The following SPECC1L variants were observed in gnomAD, a reference collection of about 807,000 sequenced individuals.
The protein encoded by SPECC1L is sperm antigen with calponin homology and coiled-coil domains 1 like, also known as cytospin-A.
SPECC1L carries 40 observed loss-of-function variants against 116.8 expected under a neutral mutation model. The ratio of observed to expected loss-of-function variants is 0.34; its 90% CI spans 0.27 to 0.45. The LOEUF (loss-of-function observed/expected upper bound fraction) is 0.45. SPECC1L is among the 20% of genes least tolerant of loss of function. The probability of loss-of-function intolerance (pLI) is 1.00; values close to 1 mark genes in which losing one functional copy is unlikely to be tolerated. For missense variants in SPECC1L, 1,110 were observed against 1,373.6 expected (o/e 0.81, Z 3.03); for synonymous variants, 504 against 500.6 (o/e 1.01, Z -0.09).
chr22:24,388,072 A>AT (rs1385420981), intron 14 of SPECC1L, among the ~76,000 whole-genome samples: 1 of 151,724 alleles, frequency 6.6e-6, no homozygotes, highest in African/African-American at 2.4e-5. Flanking sequence ...TGTTCTTAAA[A>AT]TTCTTTTTTT....
intron 14 of SPECC1L, among the ~76,000 whole-genome samples, chr22:24,376,213 T>G (rs1324865503): frequency 6.6e-6 from 1 of 152,178 alleles, no homozygotes; most frequent in Non-Finnish European, 1.5e-5. Context: ...TTTTAAGAGA[T>G]AGGGTCTCAC....
rs148720259 is a variant in SPECC1L, at chr22:24,345,214, G to A, written c.2653-1872G>A. On this transcript the variant is annotated intron_variant, in intron 10 of 16. Coordinates refer to ENST00000314328, the MANE Select transcript of SPECC1L (RefSeq NM_015330.6). Reference sequence around the variant, plus strand: ...ATACCAAAGTAATTCAATCGGTAAGGAATAGTTTTTTGAAGAAAAGATTCT... The same window carrying A: ...ATACCAAAGTAATTCAATCGGTAAGAAATAGTTTTTTGAAGAAAAGATTCT... Among the ~76,000 whole-genome samples the A allele has an allele frequency of 3.5e-3, 525 of 152,048 alleles. 3 individuals carry two copies. The highest frequency in any genetic ancestry group is 6.2e-3 in the Non-Finnish European group (419 of 67,982).
At chr22:24,287,051 G>T (rs1339121286) in intron 2 of SPECC1L, among the ~76,000 whole-genome samples, 2 of 152,204 alleles carry the variant, frequency 1.3e-5, no homozygotes, top group African/African-American at 2.4e-5. Flanking sequence ...GGGATGGGGG[G>T]CCAACCAACT....
intron 1 of SPECC1L, among the ~76,000 whole-genome samples, chr22:24,275,157 A>G (rs1466368217): frequency 2.0e-5 from 3 of 152,236 alleles, no homozygotes; most frequent in Non-Finnish European, 4.4e-5. Flanking sequence ...TTGGCACACT[A>G]TGTCTCGTCT....
chr22:24,279,279 T>C (rs8135096), intron 2 of SPECC1L, among the ~76,000 whole-genome samples: 13 of 152,256 alleles, frequency 8.5e-5, no homozygotes, highest in African/African-American at 3.1e-4. Context: ...GGGCAGATTG[T>C]ATGTAGATAT....
chr22:24,335,041 T>C (rs28588377), intron 9 of SPECC1L, among the ~76,000 whole-genome samples: 1 of 152,216 alleles, frequency 6.6e-6, no homozygotes, highest in African/African-American at 2.4e-5. Flanking sequence ...GCAGCATCAC[T>C]CTACCCAGTT....
intron 8 of SPECC1L, 130 bp downstream of exon 8, chr22:24,330,561 T>A: frequency 1.0e-6 from 1 of 994,384 alleles, no homozygotes; most frequent in Non-Finnish European, 1.5e-6. Flanking sequence ...TGGAAGTTAC[T>A]CAGCTTTTCT....
chr22:24,416,166 T>C lies in SPECC1L; in HGVS notation c.*1543T>C, dbSNP rs1441398650. ...TAACGTGTCTACGTAACCTAGAATG[T>C]GGTTATTAGGAAAGGGGCTGTGCAT... On this transcript the variant is annotated 3_prime_UTR_variant, in exon 17 of 17. Transcript: ENST00000314328. 3 of 152,106 alleles carry C rather than the reference T, an allele frequency of 2.0e-5. No homozygotes were observed. Among genetic ancestry groups the C allele is most frequent in the Non-Finnish European group, 4.4e-5 (3 of 68,018 alleles). The allele number at this position is 152,106 out of a possible 1,614,324, so 9.4% of individuals were successfully genotyped here.
chr22:24,340,101 AAAG>A (rs1314758387), intron 10 of SPECC1L, among the ~76,000 whole-genome samples: 4 of 151,640 alleles, frequency 2.6e-5, no homozygotes, highest in African/African-American at 7.3e-5. Context: ...CGTAATTTAA[AAAG>A]AAGGGAAGGG....
At chr22:24,371,670 A>G (rs1199983067) in intron 14 of SPECC1L, among the ~76,000 whole-genome samples, 1 of 152,214 alleles carries the variant, frequency 6.6e-6, no homozygotes. Flanking sequence ...ACCAAAATTT[A>G]TGGGAGGCAG....
At chr22:24,324,072 C>A in intron 5 of SPECC1L, 148 bp from the exon 6 acceptor site, 1 of 674,498 alleles carries the variant, frequency 1.5e-6, no homozygotes, top group Non-Finnish European at 2.6e-6. Context: ...CTTTTTCATA[C>A]TTTTTAACAG....
intron 2 of SPECC1L, among the ~76,000 whole-genome samples, chr22:24,282,882 A>C (rs186464769): frequency 2.0e-5 from 3 of 151,300 alleles, no homozygotes; most frequent in African/African-American, 7.3e-5. Flanking sequence ...GGTGCAAGCA[A>C]TTCTCCTGCC....
rs1034053284 is a variant in SPECC1L at position 24,312,061 on chromosome 22, C to T, written c.154-1252C>T. ...ACAGCTCAGTGCAGCTTTGACCTCCCGGGCTCAAGCGATCCTCTCACTTCA... is the reference window on the plus strand; with the variant it reads ...ACAGCTCAGTGCAGCTTTGACCTCCTGGGCTCAAGCGATCCTCTCACTTCA... On this transcript the variant is annotated intron_variant, in intron 3 of 16. Transcript: ENST00000314328. 6.6e-5 allele frequency among the ~76,000 whole-genome samples: 10 copies of T among 152,054 alleles called. No individual in the cohort carries two copies. Among genetic ancestry groups the T allele is most frequent in the Admixed American group, 1.3e-4 (2 of 15,246 alleles).
intron 10 of SPECC1L, 48 bp from the exon 11 acceptor site, chr22:24,347,038 G>C: frequency 1.4e-6 from 2 of 1,432,664 alleles, no homozygotes; most frequent in Admixed American, 3.3e-5. Flanking sequence ...TACTTTGTGA[G>C]TCCAAACAGT....
intron 14 of SPECC1L, among the ~76,000 whole-genome samples, chr22:24,390,746 A>G (rs2042246530): frequency 6.6e-6 from 1 of 151,120 alleles, no homozygotes; most frequent in Admixed American, 6.6e-5. Flanking sequence ...ATGACAAGGT[A>G]TCTTCATCCC....
rs1325947713 is a variant in SPECC1L at position 24,321,872 on chromosome 22, A to G, written c.892A>G (p.Ile298Val). 1.9e-6 allele frequency: 3 copies of G among 1,614,112 alleles called. No individual in the cohort carries two copies. Among genetic ancestry groups the G allele is most frequent in the African/African-American group, 1.3e-5 (1 of 74,950 alleles). ...LFGYQSLSPE[I>V]TPGNQSDGGG... is the part of the protein sequence containing the mutation. Reference sequence around the variant, plus strand: ...TGGCTATCAGTCCCTGAGCCCAGAAATCACCCCTGGTAACCAGAGCGATGG... The same window carrying G: ...TGGCTATCAGTCCCTGAGCCCAGAAGTCACCCCTGGTAACCAGAGCGATGG... Residue 298 changes from isoleucine to valine, a missense_variant, in exon 5 of 17, where the codon ATC becomes GTC. By Grantham distance (29) the Ile-to-Val change is conservative. Coordinates refer to ENST00000314328, the MANE Select transcript of SPECC1L (RefSeq NM_015330.6).
chr22:24,300,602 C>G (rs927373029), intron 2 of SPECC1L, among the ~76,000 whole-genome samples: 6 of 152,212 alleles, frequency 3.9e-5, no homozygotes, highest in Non-Finnish European at 7.3e-5. Context: ...AGTGTAAAAG[C>G]ATTCCTATTT....
intron 1 of SPECC1L, among the ~76,000 whole-genome samples, chr22:24,274,096 A>G (rs2048785095): frequency 2.0e-5 from 3 of 152,230 alleles, no homozygotes; most frequent in Non-Finnish European, 2.9e-5. Flanking sequence ...AAATAAGCCT[A>G]GGCAGGGAAA....
At chr22:24,285,626 CTGT>C (rs2049026696) in intron 2 of SPECC1L, among the ~76,000 whole-genome samples, 1 of 150,988 alleles carries the variant, frequency 6.6e-6, no homozygotes, top group African/African-American at 2.5e-5. Context: ...AACAATACTG[CTGT>C]TTTTTTTTTT....
Sources: gnomAD v4.1 joint callset for allele counts (sites outside exome capture counted in the v4.1 genomes callset) on GRCh38, gnomAD v4.1.1 for gene constraint, MANE v1.5 for transcripts, NCBI Gene and HGNC (gene_info 2026-07-23, HGNC 2026-07-21) for gene names.